The following USP34 variants were observed in gnomAD, a reference collection of about 807,000 sequenced individuals.
USP34 encodes ubiquitin specific peptidase 34, also known as ubiquitin carboxyl-terminal hydrolase 34.
In USP34, 70 loss-of-function variants were observed where a neutral mutation model predicts 460.3. The ratio of observed to expected loss-of-function variants is 0.15; its 90% CI spans 0.13 to 0.19. The LOEUF (loss-of-function observed/expected upper bound fraction) is 0.19, where lower values mean the gene tolerates loss of function less well. Among genes scored for constraint, USP34 ranks in the 10% least tolerant of loss-of-function variants. The pLI, the probability that USP34 is intolerant of heterozygous loss-of-function variation, is 1.00. For missense variants in USP34, 3,985 were observed against 4,236.2 expected, an observed-to-expected ratio of 0.94 and a Z score of 1.65; for synonymous variants, 1,647 against 1,405.3, an observed-to-expected ratio of 1.17 and a Z score of -3.85.
At chr2:61,285,644 G>C (rs1689667006) in intron 34 of USP34, among the ~76,000 whole-genome samples, 1 of 152,056 alleles carries the variant, frequency 6.6e-6, no homozygotes, top group South Asian at 2.1e-4. Context: ...GTGGTTTCTT[G>C]GGAAGGGGTT....
At chr2:61,342,414 C>T (rs1691633303) in intron 16 of USP34, among the ~76,000 whole-genome samples, 1 of 150,098 alleles carries the variant, frequency 6.7e-6, no homozygotes, top group South Asian at 2.1e-4. Context: ...GATTCTCCTG[C>T]TTCAGCCTCC....
intron 41 of USP34, among the ~76,000 whole-genome samples, chr2:61,275,459 TA>T (rs374985056): frequency 6.6e-6 from 1 of 151,498 alleles, no homozygotes; most frequent in Non-Finnish European, 1.5e-5. Flanking sequence ...TCTACAAAAA[TA>T]AATAAATAAA....
chr2:61,266,170 G>A lies in USP34; in HGVS notation c.5434-3C>T, dbSNP rs1689038485. 1.2e-6 allele frequency: 2 copies of A among 1,604,236 alleles called. No homozygotes were observed. The highest frequency in any genetic ancestry group is 2.7e-5 in the African/African-American group (2 of 74,882). ...TTGAAGATATCTCTCAAAAATTCCT[G>A]GGGAGTAAAAGGAAACATGTTATCT... On this transcript the variant is annotated splice_polypyrimidine_tract_variant and splice_region_variant and intron_variant, in intron 41 of 79. Transcript: ENST00000398571.
chr2:61,204,635 A>T (rs1185560196), intron 72 of USP34, 34 bp from the exon 73 acceptor site: 1 of 1,539,226 alleles, frequency 6.5e-7, no homozygotes, highest in Non-Finnish European at 9.0e-7. Context: ...GTAGCAAAAA[A>T]TTAAGAGTTA....
chr2:61,381,588 G>A (rs774091080), intron 6 of USP34, among the ~76,000 whole-genome samples: 19 of 151,988 alleles, frequency 1.3e-4, no homozygotes, highest in South Asian at 2.1e-4. Flanking sequence ...CTCCCGCCTC[G>A]GCCTCCCAAA....
At chr2:61,398,182 G>A (rs573467004) in intron 3 of USP34, among the ~76,000 whole-genome samples, 7 of 152,006 alleles carry the variant, frequency 4.6e-5, no homozygotes, top group Non-Finnish European at 1.0e-4. Flanking sequence ...TCGTACTCAC[G>A]GGCGAGACCC....
At chr2:61,359,936 C>G (rs531683535) in intron 10 of USP34, among the ~76,000 whole-genome samples, 1 of 151,986 alleles carries the variant, frequency 6.6e-6, no homozygotes, top group South Asian at 2.1e-4. Flanking sequence ...AGGCGCCCAC[C>G]ACCACACCAG....
chr2:61,387,750 C>T (rs1382610976), intron 5 of USP34, among the ~76,000 whole-genome samples: 10 of 141,644 alleles, frequency 7.1e-5, no homozygotes, highest in African/African-American at 1.6e-4. Context: ...TATATTTTTA[C>T]GTATACACAC....
At chr2:61,387,930 C>T (rs1367723879) in intron 5 of USP34, among the ~76,000 whole-genome samples, 19 of 95,776 alleles carry the variant, frequency 2.0e-4, no homozygotes, top group African/African-American at 9.9e-4. Context: ...TATATTTATA[C>T]ACACACACAC....
At chr2:61,308,144 G>A (rs972554371) in intron 27 of USP34, among the ~76,000 whole-genome samples, 1 of 152,098 alleles carries the variant, frequency 6.6e-6, no homozygotes, top group African/African-American at 2.4e-5. Flanking sequence ...AAAAGTGTCA[G>A]AAGTGCTAAA....
In USP34 at chr2:61,335,002, C is replaced by T. The variant is rs183672078; in HGVS notation, c.2745-1031G>A. On this transcript the variant is annotated intron_variant, in intron 18 of 79. Transcript: ENST00000398571. ...AGAACAAAGACACACATTTTAAGTG[C>T]TATAATGACCAGACAGAGTCAAAGT... Among the ~76,000 whole-genome samples the T allele has an allele frequency of 4.4e-4, 66 of 151,510 alleles. No individual in the cohort carries two copies. In the East Asian group the frequency reaches 0.011, roughly 26 times the overall value.
intron 10 of USP34, among the ~76,000 whole-genome samples, chr2:61,365,256 T>TACAC (rs34689463): frequency 0.053 from 7,492 of 142,328 alleles, 230 homozygotes; most frequent in African/African-American, 0.085. Flanking sequence ...CATTTCAAAA[T>TACAC]ACACACACAC....
chr2:61,305,788 C>A, intron 27 of USP34, among the ~76,000 whole-genome samples: 1 of 150,460 alleles, frequency 6.6e-6, no homozygotes, highest in Admixed American at 6.6e-5. Context: ...TTTTTTTTTC[C>A]CCGTCGTTGG....
intron 1 of USP34, among the ~76,000 whole-genome samples, chr2:61,463,056 T>C (rs1461117646): frequency 1.3e-5 from 2 of 152,154 alleles, no homozygotes; most frequent in East Asian, 3.8e-4. Context: ...ATTCCAACTT[T>C]AGATTAAATG....
chr2:61,363,004 T>C (rs1462410109), intron 10 of USP34, among the ~76,000 whole-genome samples: 20 of 152,044 alleles, frequency 1.3e-4, no homozygotes, highest in Non-Finnish European at 2.9e-4. Context: ...TTTGTAAAAC[T>C]CAAAAGAAAA....
At chr2:61,373,529 C>CA (rs1187527346) in intron 8 of USP34, among the ~76,000 whole-genome samples, 2 of 150,322 alleles carry the variant, frequency 1.3e-5, no homozygotes, top group African/African-American at 4.9e-5. Context: ...TAGACTAAGC[C>CA]AAAAAATGTC....
chr2:61,452,905 C>CA (rs57925421), intron 1 of USP34, among the ~76,000 whole-genome samples: 1,992 of 126,618 alleles, frequency 0.016, 15 homozygotes, highest in East Asian at 0.043. Context: ...ACCCCACAAC[C>CA]AAAAAAAAAA....
At chr2:61,445,071 T>C (rs917477662) in intron 1 of USP34, among the ~76,000 whole-genome samples, 1 of 151,768 alleles carries the variant, frequency 6.6e-6, no homozygotes, top group African/African-American at 2.4e-5. Flanking sequence ...TGCCAACTTG[T>C]AATTCATTAT....
chr2:61,319,012 A>G (rs1690833610), intron 22 of USP34, among the ~76,000 whole-genome samples, 161 bp downstream of exon 22: 1 of 152,212 alleles, frequency 6.6e-6, no homozygotes, highest in Admixed American at 6.5e-5. Flanking sequence ...ACAAAATTAG[A>G]GCACAATCTG....
Sources: allele counts gnomAD v4.1 joint callset (sites outside exome capture counted in the v4.1 genomes callset), GRCh38; gene constraint gnomAD v4.1.1; transcripts MANE v1.5; gene names NCBI Gene and HGNC (gene_info 2026-07-23, HGNC 2026-07-21).